Variants in IQCM observed in about 807,000 individuals in gnomAD.
The protein encoded by IQCM is IQ domain-containing protein M.
In IQCM, 45 loss-of-function variants were observed where a neutral mutation model predicts 57.6. The observed-to-expected ratio is 0.78, with a 90% CI of 0.62 to 1.00. The LOEUF (loss-of-function observed/expected upper bound fraction) is 1.00, where lower values mean the gene tolerates loss of function less well. Ranked by LOEUF, IQCM falls within the 50% of genes least tolerant of loss-of-function variation. The probability of loss-of-function intolerance (pLI) is 0.00; values close to 1 mark genes in which losing one functional copy is unlikely to be tolerated. For synonymous variants in IQCM, 148 were observed against 158.9 expected (o/e 0.93, Z 0.51); for missense variants, 468 against 511.6 (o/e 0.91, Z 0.82).
At chr4:149,471,116 A>T (rs1444878487) in intron 12 of IQCM, among the ~76,000 whole-genome samples, 1 of 152,190 alleles carries the variant, frequency 6.6e-6, no homozygotes, top group Non-Finnish European at 1.5e-5. Context: ...AATAACTAAG[A>T]TCAGAGCAGA....
intron 13 of IQCM, among the ~76,000 whole-genome samples, chr4:149,402,245 T>G (rs1018355836): frequency 6.6e-6 from 1 of 151,726 alleles, no homozygotes; most frequent in Admixed American, 6.6e-5. Context: ...GATCCTATTG[T>G]GGGGATCTAG....
intron 12 of IQCM, among the ~76,000 whole-genome samples, chr4:149,448,252 T>C (rs1416220994): frequency 6.6e-6 from 1 of 151,616 alleles, no homozygotes; most frequent in Non-Finnish European, 1.5e-5. Flanking sequence ...TTAGAAACTA[T>C]ACAACATTTC....
At chr4:149,407,756 G>T (rs1363831509) in intron 13 of IQCM, among the ~76,000 whole-genome samples, 2 of 152,160 alleles carry the variant, frequency 1.3e-5, no homozygotes, top group Non-Finnish European at 2.9e-5. Context: ...GTTTGGAACA[G>T]TTGATGGACA....
intron 13 of IQCM, among the ~76,000 whole-genome samples, chr4:149,385,241 C>T (rs1391704370): frequency 6.6e-6 from 1 of 152,040 alleles, no homozygotes; most frequent in East Asian, 1.9e-4. Flanking sequence ...AAATATCAGA[C>T]ACTTGCTAAC....
At chr4:149,360,837 G>A (rs1024816784) in intron 13 of IQCM, among the ~76,000 whole-genome samples, 2 of 152,148 alleles carry the variant, frequency 1.3e-5, no homozygotes, top group Non-Finnish European at 2.9e-5. Flanking sequence ...AGCAGAGTGG[G>A]GCATTGTTGA....
intron 12 of IQCM, among the ~76,000 whole-genome samples, chr4:149,438,447 G>A (rs1410803794): frequency 6.6e-6 from 1 of 152,040 alleles, no homozygotes; most frequent in Non-Finnish European, 1.5e-5. Context: ...GTTTGAAGTG[G>A]TGGACAAATA....
chr4:149,411,619 A>G (rs769655136), intron 13 of IQCM, among the ~76,000 whole-genome samples: 4 of 152,190 alleles, frequency 2.6e-5, no homozygotes, highest in Non-Finnish European at 4.4e-5. Context: ...GGAATTTCCA[A>G]GATGTTTTTC....
At chr4:149,597,383 G>A (rs1488923081) in intron 8 of IQCM, among the ~76,000 whole-genome samples, 1 of 151,902 alleles carries the variant, frequency 6.6e-6, no homozygotes, top group Non-Finnish European at 1.5e-5. Context: ...TTGTTGTTGT[G>A]CTTTTTTTCT....
chr4:149,517,191 G>C (rs532905769), intron 12 of IQCM, among the ~76,000 whole-genome samples: 1 of 150,412 alleles, frequency 6.6e-6, no homozygotes, highest in African/African-American at 2.4e-5. Context: ...ATGGGTAGTA[G>C]AAGAAGGTAG....
At chr4:149,482,355 C>T (rs1740999517) in intron 12 of IQCM, among the ~76,000 whole-genome samples, 2 of 151,868 alleles carry the variant, frequency 1.3e-5, no homozygotes, top group African/African-American at 4.8e-5. Context: ...TTGTCATGTT[C>T]CAGGTCTTAG....
At chr4:149,577,663 G>C (rs1751789904) in intron 9 of IQCM, among the ~76,000 whole-genome samples, 1 of 3,832 alleles carries the variant, frequency 2.6e-4, no homozygotes, top group African/African-American at 3.5e-4. Context: ...TAGGTAGTGT[G>C]ATGCCTCTAG....
chr4:149,406,127 T>C (rs1732964770), intron 13 of IQCM, among the ~76,000 whole-genome samples: 1 of 151,906 alleles, frequency 6.6e-6, no homozygotes, highest in Non-Finnish European at 1.5e-5. Context: ...GAAAATATCA[T>C]TCCCATTGAA....
intron 7 of IQCM, among the ~76,000 whole-genome samples, chr4:149,645,759 G>C (rs774488383): frequency 6.6e-6 from 1 of 151,922 alleles, no homozygotes; most frequent in African/African-American, 2.4e-5. Context: ...CTTTCCCAAG[G>C]CCCTTGCAGT....
chr4:149,465,743 T>G (rs1738790559), intron 12 of IQCM, among the ~76,000 whole-genome samples: 1 of 151,558 alleles, frequency 6.6e-6, no homozygotes, highest in South Asian at 2.1e-4. Flanking sequence ...AAAAAAAAGT[T>G]TTTTTTTTGT....
chr4:149,536,406 G>A (rs1046068620), intron 12 of IQCM, among the ~76,000 whole-genome samples: 1 of 151,832 alleles, frequency 6.6e-6, no homozygotes, highest in Non-Finnish European at 1.5e-5. Flanking sequence ...CAGCTATCCT[G>A]GAAATTCTAA....
intron 5 of IQCM, among the ~76,000 whole-genome samples, chr4:149,699,951 G>T (rs565570484): frequency 6.6e-6 from 1 of 152,026 alleles, no homozygotes; most frequent in South Asian, 2.1e-4. Flanking sequence ...GCGGAGGAGG[G>T]GGAAATGTGC....
At chr4:149,455,027 C>G (rs987919054) in intron 12 of IQCM, among the ~76,000 whole-genome samples, 1 of 151,968 alleles carries the variant, frequency 6.6e-6, no homozygotes, top group Non-Finnish European at 1.5e-5. Context: ...ACATAAGATT[C>G]GACTTACAAT....
At chr4:149,641,103 G>T (rs570399474) in intron 7 of IQCM, among the ~76,000 whole-genome samples, 2 of 152,162 alleles carry the variant, frequency 1.3e-5, no homozygotes, top group East Asian at 1.9e-4. Flanking sequence ...CTCCAGCCTG[G>T]GTGACAGAGT....
At chr4:149,770,358 A>G (rs1435430232) in intron 2 of IQCM, among the ~76,000 whole-genome samples, 2 of 152,098 alleles carry the variant, frequency 1.3e-5, no homozygotes, top group Non-Finnish European at 2.9e-5. Flanking sequence ...GAACTCTACC[A>G]AGATTTTAAG....
Sources: gnomAD v4.1 joint callset for allele counts (sites outside exome capture counted in the v4.1 genomes callset) on GRCh38, gnomAD v4.1.1 for gene constraint, MANE v1.5 for transcripts, NCBI Gene and HGNC (gene_info 2026-07-23, HGNC 2026-07-21) for gene names.